The following TMTC2 variants were observed in gnomAD, a reference collection of about 807,000 sequenced individuals.
TMTC2 encodes protein O-mannosyl-transferase TMTC2.
TMTC2 carries 43 observed loss-of-function variants against 82.4 expected under a neutral mutation model. The ratio of observed to expected loss-of-function variants is 0.52; its 90% confidence interval spans 0.41 to 0.67. TMTC2 has a LOEUF of 0.67. TMTC2 is among the 30% of genes least tolerant of loss of function. The probability of loss-of-function intolerance (pLI) is 0.00; values close to 1 mark genes in which losing one functional copy is unlikely to be tolerated. For synonymous variants in TMTC2, 408 were observed against 381.9 expected (o/e 1.07, Z -0.80); for missense variants, 919 against 1,012.4 (o/e 0.91, Z 1.25).
chr12:82,762,606 G>A (rs548939668), intron 1 of TMTC2, among the ~76,000 whole-genome samples: 1 of 152,162 alleles, frequency 6.6e-6, no homozygotes, highest in South Asian at 2.1e-4. Context: ...TGTCAATCCT[G>A]TCATAAAAGA....
At chr12:83,000,466 C>T (rs1879868995) in intron 8 of TMTC2, among the ~76,000 whole-genome samples, 1 of 152,162 alleles carries the variant, frequency 6.6e-6, no homozygotes, top group Non-Finnish European at 1.5e-5. Flanking sequence ...CCATAATGAT[C>T]TCCTTTGAAT....
chr12:82,967,843 T>G (rs1226088433), intron 7 of TMTC2, among the ~76,000 whole-genome samples: 2 of 152,140 alleles, frequency 1.3e-5, no homozygotes, highest in East Asian at 3.8e-4. Flanking sequence ...AGTTGTTTAA[T>G]ATTTCTAGTC....
chr12:82,800,939 C>T (rs961495722), intron 1 of TMTC2, among the ~76,000 whole-genome samples: 1 of 152,096 alleles, frequency 6.6e-6, no homozygotes, highest in Non-Finnish European at 1.5e-5. Context: ...GCTTAGTAAA[C>T]ATGTTAATGG....
rs550242956 is a variant in TMTC2, at chr12:83,101,046, T to C, written c.2332-31164T>C. On this transcript the variant is annotated intron_variant, in intron 11 of 11. Transcript: ENST00000321196. ...AATATTGATCACATTTTAAATGTCT[T>C]CACTCAATAGAACTTGATAAATGAG... Among the ~76,000 whole-genome samples, 5 of 152,358 alleles carry C rather than the reference T, an allele frequency of 3.3e-5. No homozygotes were observed. In the South Asian group the frequency reaches 1.0e-3, roughly 32 times the overall value.
At chr12:83,131,547 T>A (rs1331679143) in intron 11 of TMTC2, among the ~76,000 whole-genome samples, 2 of 152,206 alleles carry the variant, frequency 1.3e-5, no homozygotes, top group Non-Finnish European at 2.9e-5. Context: ...TCTGCCATAT[T>A]TTATCTATTT....
intron 1 of TMTC2, among the ~76,000 whole-genome samples, chr12:82,824,636 A>G (rs960793288): frequency 2.0e-5 from 3 of 152,248 alleles, no homozygotes; most frequent in Admixed American, 1.3e-4. Context: ...GTAAAATTAA[A>G]TGGCCTGAGA....
rs1286769622 is a variant in TMTC2, at chr12:82,918,719, TCTC to T, written c.1484-11711_1484-11709del. ...ATTTTATCTTTTTTCTTTTCTTCTC[TCTC>T]TCTCTCTCTCTCTCTCTTTCTCTCC... is the stretch of plus-strand genomic sequence containing the variant. On this transcript the variant is annotated intron_variant, in intron 3 of 11. Transcript: ENST00000321196. 0.014 allele frequency among the ~76,000 whole-genome samples: 20 copies of T among 1,394 alleles called. No individual in the cohort carries two copies. In the South Asian group the frequency reaches 0.16, roughly 11 times the overall value. 0.9% of individuals were successfully genotyped at this position (1,394 alleles called of 152,430 possible).
At chr12:83,071,019 C>T (rs1883091909) in intron 11 of TMTC2, among the ~76,000 whole-genome samples, 1 of 152,104 alleles carries the variant, frequency 6.6e-6, no homozygotes, top group Admixed American at 6.5e-5. Flanking sequence ...TTAAACCATT[C>T]CTGCATCCCT....
intron 8 of TMTC2, among the ~76,000 whole-genome samples, chr12:83,000,123 A>G (rs1200017510): frequency 7.5e-6 from 1 of 132,976 alleles, no homozygotes; most frequent in Non-Finnish European, 1.6e-5. Flanking sequence ...CAAGTCCAAA[A>G]TCCAGTGGGG....
intron 2 of TMTC2, among the ~76,000 whole-genome samples, chr12:82,885,308 G>T (rs1044875268): frequency 6.6e-6 from 1 of 151,546 alleles, no homozygotes; most frequent in Non-Finnish European, 1.5e-5. Flanking sequence ...TGATTAATCT[G>T]GGAATAAGTT....
chr12:83,032,089 C>T (rs1165216234), intron 9 of TMTC2, among the ~76,000 whole-genome samples: 3 of 151,698 alleles, frequency 2.0e-5, no homozygotes, highest in Admixed American at 1.3e-4. Flanking sequence ...CCATGAATGT[C>T]GTTCCATGGT....
chr12:82,741,112 T>A (rs1446696559), intron 1 of TMTC2, among the ~76,000 whole-genome samples: 1 of 152,244 alleles, frequency 6.6e-6, no homozygotes, highest in African/African-American at 2.4e-5. Flanking sequence ...CACTTCCCTG[T>A]GAGTCTGACA....
At chr12:82,833,934 A>G (rs1869888948) in intron 1 of TMTC2, among the ~76,000 whole-genome samples, 1 of 152,220 alleles carries the variant, frequency 6.6e-6, no homozygotes, top group South Asian at 2.1e-4. Flanking sequence ...AATGATTTTC[A>G]AAACTTAGAG....
At chr12:82,827,653 T>TTTTTC (rs570287557) in intron 1 of TMTC2, among the ~76,000 whole-genome samples, 60 of 151,990 alleles carry the variant, frequency 3.9e-4, no homozygotes, top group African/African-American at 1.1e-3. Context: ...TCTTCTTTCT[T>TTTTTC]TTTTCTTTTC....
At chr12:82,864,115 T>C (rs1315840714) in intron 2 of TMTC2, among the ~76,000 whole-genome samples, 3 of 152,082 alleles carry the variant, frequency 2.0e-5, no homozygotes, top group African/African-American at 7.2e-5. Context: ...AGAAAATTAC[T>C]GGGTACCATG....
At chr12:83,030,376 T>C (rs145205361) in intron 8 of TMTC2, among the ~76,000 whole-genome samples, 1 of 152,188 alleles carries the variant, frequency 6.6e-6, no homozygotes, top group African/African-American at 2.4e-5. Flanking sequence ...GCCTGTCATC[T>C]CAAAATTTAA....
At chr12:83,039,584 G>A (rs1207414012) in intron 9 of TMTC2, among the ~76,000 whole-genome samples, 1 of 152,066 alleles carries the variant, frequency 6.6e-6, no homozygotes, top group African/African-American at 2.4e-5. Flanking sequence ...GAGGGTACAT[G>A]ATTATGTTTA....
intron 11 of TMTC2, among the ~76,000 whole-genome samples, chr12:83,109,775 A>G (rs1884537562): frequency 6.6e-6 from 1 of 152,204 alleles, no homozygotes; most frequent in Non-Finnish European, 1.5e-5. Flanking sequence ...TATCATATAT[A>G]CTTGGCAAAA....
Position 82,937,732 on chromosome 12 carries a change from G to GTGTGGA in TMTC2, c.1598+7191_1598+7192insGATGTG, listed in dbSNP as rs1565818052. Among the ~76,000 whole-genome samples the GTGTGGA allele has an allele frequency of 7.4e-3, 201 of 27,022 alleles. 1 individual carries two copies. The highest frequency in any genetic ancestry group is 0.017 in the African/African-American group (187 of 11,314). 17.7% of individuals were successfully genotyped at this position (27,022 alleles called of 152,430 possible). A position where few individuals can be genotyped will look rare whatever the true frequency, so the allele number is the denominator to read the frequency against. On this transcript the variant is annotated intron_variant, in intron 4 of 11. Transcript: ENST00000321196. Reference sequence around the variant, plus strand: ...TGTGTGTGTGTGTGTGTGTGTGGATGTGTGTGTGTGTGTGTGTGTATATAT... The same window carrying GTGTGGA: ...TGTGTGTGTGTGTGTGTGTGTGGATGTGTGGATGTGTGTGTGTGTGTGTGTATATAT...
Sources: gnomAD v4.1 joint callset for allele counts (sites outside exome capture counted in the v4.1 genomes callset) on GRCh38, gnomAD v4.1.1 for gene constraint, MANE v1.5 for transcripts, NCBI Gene and HGNC (gene_info 2026-07-23, HGNC 2026-07-21) for gene names.